The following EML5 variants were observed in gnomAD, a reference collection of about 807,000 sequenced individuals.
EML5 encodes EMAP like 5.
In EML5, 120 loss-of-function variants were observed where a neutral mutation model predicts 250.0. That is an observed-to-expected ratio of 0.48 (90% confidence interval 0.41 to 0.56). EML5 has a LOEUF of 0.56. Ranked by LOEUF, EML5 falls within the 20% of genes least tolerant of loss-of-function variation. EML5 has a pLI of 0.00. For synonymous variants in EML5, 771 were observed against 806.5 expected (o/e 0.96, Z 0.75); for missense variants, 2,006 against 2,437.6 (o/e 0.82, Z 3.73).
chr14:88,736,311 T>A, intron 7 of EML5, 53 bp downstream of exon 7: 2 of 1,594,096 alleles, frequency 1.3e-6, no homozygotes, highest in Non-Finnish European at 1.7e-6. Flanking sequence ...GTTTTCTTTA[T>A]GTTTATCTAA....
At chr14:88,739,695 GACAA>G (rs1355059602) in intron 5 of EML5, among the ~76,000 whole-genome samples, 19 of 152,070 alleles carry the variant, frequency 1.2e-4, no homozygotes, top group African/African-American at 4.3e-4. Flanking sequence ...AATAAGCAAA[GACAA>G]ACAGATTGGA....
chr14:88,649,939 C>A lies in EML5; in HGVS notation c.4005-13G>T. On this transcript the variant is annotated splice_polypyrimidine_tract_variant and intron_variant, in intron 27 of 43. Transcript: ENST00000554922. The stretch of plus-strand genomic sequence containing the variant: ...TACTACTCCCTGCCTTCAAAAGGAG[C>A]AAGGGGGAAAAAAGTAGGAAAACAT... 6.8e-7 allele frequency: 1 copy of A among 1,470,764 alleles called. No homozygotes were observed. Among genetic ancestry groups the A allele is most frequent in the Non-Finnish European group, 9.0e-7 (1 of 1,111,794 alleles). 91.1% of individuals were successfully genotyped at this position (1,470,764 alleles called of 1,614,324 possible).
intron 7 of EML5, among the ~76,000 whole-genome samples, chr14:88,726,910 T>A (rs1566708028): frequency 6.6e-6 from 1 of 152,150 alleles, no homozygotes; most frequent in Non-Finnish European, 1.5e-5. Context: ...ACTCTGTCAC[T>A]CAGGTTGGAG....
intron 7 of EML5, among the ~76,000 whole-genome samples, chr14:88,733,094 A>T (rs1023083648): frequency 6.6e-6 from 1 of 152,234 alleles, no homozygotes; most frequent in Non-Finnish European, 1.5e-5. Flanking sequence ...AAGCTGCTTT[A>T]TACACTTCTG....
chr14:88,693,137 G>A (rs1345140179), intron 17 of EML5, among the ~76,000 whole-genome samples: 3 of 151,668 alleles, frequency 2.0e-5, no homozygotes, highest in Admixed American at 1.3e-4. Context: ...TTTCAGTTTA[G>A]ACTATAGAAC....
At chr14:88,759,698 A>C (rs111245100) in intron 1 of EML5, among the ~76,000 whole-genome samples, 25 of 142,184 alleles carry the variant, frequency 1.8e-4, no homozygotes, top group South Asian at 2.2e-4. Flanking sequence ...AAAAAAAAAA[A>C]AAAAAACTGG....
chr14:88,777,068 T>C (rs2140704505), intron 1 of EML5, among the ~76,000 whole-genome samples: 1 of 152,040 alleles, frequency 6.6e-6, no homozygotes, highest in South Asian at 2.1e-4. Flanking sequence ...GAGAAAGATA[T>C]CAGTATCCAA....
chr14:88,792,912 C>T lies in EML5; in HGVS notation c.-409G>A, dbSNP rs1182055804. Among the ~76,000 whole-genome samples, 1 of 151,808 alleles carries T rather than the reference C, an allele frequency of 6.6e-6. No individual in the cohort carries two copies. The highest frequency in any genetic ancestry group is 1.5e-5 in the Non-Finnish European group (1 of 67,924). On this transcript the variant is annotated 5_prime_UTR_variant, in exon 1 of 44. Coordinates refer to ENST00000554922, the MANE Select transcript of EML5 (RefSeq NM_183387.3). This position sits in a 1 kb window ranked among gnomAD's most constrained non-coding sequence, Gnocchi z 6.9. ...CCCCGCCGCGGCTTTGTAGCCACAG[C>T]CTGGCGGACCCGCGCCGCGCACCCC... is the stretch of plus-strand genomic sequence containing the variant.
At chr14:88,697,637 C>T (rs1054209240) in intron 14 of EML5, among the ~76,000 whole-genome samples, 1 of 152,108 alleles carries the variant, frequency 6.6e-6, no homozygotes, top group African/African-American at 2.4e-5. Flanking sequence ...CTTTCTTTAA[C>T]CATAAGCATA....
chr14:88,652,062 C>T (rs750857798), intron 27 of EML5, among the ~76,000 whole-genome samples: 2 of 152,174 alleles, frequency 1.3e-5, no homozygotes, highest in Non-Finnish European at 2.9e-5. Flanking sequence ...CTCCAGAATT[C>T]ATGTCCTTTG....
intron 24 of EML5, among the ~76,000 whole-genome samples, chr14:88,662,457 G>A (rs1595424781): frequency 6.8e-6 from 1 of 147,032 alleles, no homozygotes; most frequent in South Asian, 2.2e-4. Context: ...AATCTTAGAT[G>A]GCATGTCTTC....
At chr14:88,758,130 T>C (rs1320585354) in intron 1 of EML5, among the ~76,000 whole-genome samples, 2 of 151,696 alleles carry the variant, frequency 1.3e-5, no homozygotes, top group Non-Finnish European at 2.9e-5. Context: ...ATTCTAGTAT[T>C]ACAGGCATGA....
At chr14:88,749,120 C>G (rs2094052611) in intron 2 of EML5, among the ~76,000 whole-genome samples, 1 of 151,982 alleles carries the variant, frequency 6.6e-6, no homozygotes, top group Non-Finnish European at 1.5e-5. Flanking sequence ...AGAAAAAACA[C>G]ACAAGACACA....
In EML5 at chr14:88,782,786, T is replaced by C. The variant is rs181975306; in HGVS notation, c.197+9521A>G. ...CTCTGCCTAGATTTCAGAGAATGTATGAAAATGCCTGGATCGGGCACGGTG... is the reference window on the plus strand; with the variant it reads ...CTCTGCCTAGATTTCAGAGAATGTACGAAAATGCCTGGATCGGGCACGGTG... On this transcript the variant is annotated intron_variant, in intron 1 of 43. Coordinates refer to ENST00000554922, the MANE Select transcript of EML5 (RefSeq NM_183387.3). Among the ~76,000 whole-genome samples the C allele has an allele frequency of 1.0e-3, 157 of 152,268 alleles. 1 individual carries two copies. The highest frequency in any genetic ancestry group is 3.6e-3 in the African/African-American group (148 of 41,554).
Position 88,658,443 on chromosome 14 carries a change from T to C in EML5, c.3676-55A>G, listed in dbSNP as rs2091950871. 3.7e-6 allele frequency: 5 copies of C among 1,361,704 alleles called. No homozygotes were observed. In the South Asian group the frequency reaches 5.6e-5, roughly 15 times the overall value. The allele number at this position is 1,361,704 out of a possible 1,614,324, so 84.4% of individuals were successfully genotyped here. A position where few individuals can be genotyped will look rare whatever the true frequency, so the allele number is the denominator to read the frequency against. ...TCTGAGAAATTTCATTATTTAAATA[T>C]TTCCATTATGATTTTGAATTTTATT... is the stretch of plus-strand genomic sequence containing the variant. On this transcript the variant is annotated intron_variant, in intron 25 of 43. Transcript: ENST00000554922.
At chr14:88,617,149 T>TA in intron 41 of EML5, 1 of 249,078 alleles carries the variant, frequency 4.0e-6, no homozygotes, top group East Asian at 7.4e-5. Context: ...AACTATTTTT[T>TA]CTTTTTTTTT....
Position 88,774,128 on chromosome 14 carries a change from A to G in EML5, c.197+18179T>C, listed in dbSNP as rs145358472. ...AGCGAGACTCTGTCTCAAAAAAGCA[A>G]AAAACAGAAAACAAAAAACAAAAAA... On this transcript the variant is annotated intron_variant, in intron 1 of 43. Coordinates refer to ENST00000554922, the MANE Select transcript of EML5 (RefSeq NM_183387.3). 9.7e-4 allele frequency among the ~76,000 whole-genome samples: 147 copies of G among 152,318 alleles called. 4 individuals are homozygous for G. In the East Asian group the frequency reaches 0.027, roughly 28 times the overall value.
At chr14:88,724,687 C>T (rs2093640581) in intron 8 of EML5, among the ~76,000 whole-genome samples, 1 of 152,128 alleles carries the variant, frequency 6.6e-6, no homozygotes, top group Admixed American at 6.5e-5. Context: ...TCCAGTACTT[C>T]CAATACTTTC....
intron 9 of EML5, 143 bp downstream of exon 9, chr14:88,714,796 G>A (rs1268580025): frequency 1.9e-5 from 13 of 678,910 alleles, no homozygotes; most frequent in Non-Finnish European, 3.1e-5. Context: ...GTATTATATT[G>A]TAGAAAAGTC....
Sources: gnomAD v4.1 joint callset for allele counts (sites outside exome capture counted in the v4.1 genomes callset) on GRCh38, gnomAD v4.1.1 for gene constraint, Gnocchi (gnomAD v3.1) non-coding constraint, MANE v1.5 for transcripts, NCBI Gene and HGNC (gene_info 2026-07-23, HGNC 2026-07-21) for gene names.